RNF144A: variants seen among roughly 807,000 people sequenced by gnomAD.
RNF144A encodes the protein E3 ubiquitin-protein ligase RNF144A.
In RNF144A, 11 loss-of-function variants were observed where a neutral mutation model predicts 38.7. The observed-to-expected ratio is 0.28, with a 90% CI of 0.18 to 0.47. The LOEUF is 0.47. Ranked by LOEUF, RNF144A falls within the 20% of genes least tolerant of loss-of-function variation. The pLI is 0.99. For missense variants in RNF144A, 316 were observed against 377.2 expected (o/e 0.84, Z 1.34); for synonymous variants, 149 against 143.9 (o/e 1.04, Z -0.25).
intron 1 of RNF144A, among the ~76,000 whole-genome samples, chr2:6,923,589 C>T (rs907477331): frequency 1.3e-4 from 20 of 152,358 alleles, no homozygotes; most frequent in Middle Eastern, 3.4e-3. Context: ...TTCCTTCCAG[C>T]TGTAAAATTG....
chr2:7,036,182 C>T (rs184908315), intron 8 of RNF144A, among the ~76,000 whole-genome samples: 2 of 152,282 alleles, frequency 1.3e-5, no homozygotes, highest in East Asian at 1.9e-4. Flanking sequence ...AATCAGCCAT[C>T]GTGTGGAGGA....
intron 6 of RNF144A, among the ~76,000 whole-genome samples, chr2:7,059,657 A>G (rs1377116864): frequency 6.6e-6 from 1 of 152,220 alleles, no homozygotes; most frequent in African/African-American, 2.4e-5. Context: ...AAGCCACACC[A>G]GAAGGTCCAG....
chr2:7,068,398 A>G (rs1366176185), downstream of RNF144A: 3 of 473,696 alleles, frequency 6.3e-6, no homozygotes, highest in East Asian at 7.1e-5. Context: ...GCTTTTGGGC[A>G]TTATAGAAGA....
At chr2:7,013,166 A>T (rs146567026) in intron 3 of RNF144A, among the ~76,000 whole-genome samples, 99 of 152,288 alleles carry the variant, frequency 6.5e-4, no homozygotes, top group African/African-American at 2.2e-3. Context: ...TCAAGCATAT[A>T]CTCTTCTCTG....
At chr2:6,979,554 G>A (rs1268173019) in intron 2 of RNF144A, among the ~76,000 whole-genome samples, 1 of 151,728 alleles carries the variant, frequency 6.6e-6, no homozygotes, top group African/African-American at 2.4e-5. Context: ...TTTCCTGAGG[G>A]TGGCCTCTTT....
At chr2:7,048,862 A>G (rs1364338858), downstream of RNF144A, among the ~76,000 whole-genome samples, 1 of 152,234 alleles carries the variant, frequency 6.6e-6, no homozygotes, top group Non-Finnish European at 1.5e-5. Context: ...ATGAATGCAC[A>G]GACAGCAGCT....
chr2:6,977,403 A>G (rs1668381548), intron 2 of RNF144A, among the ~76,000 whole-genome samples: 1 of 152,250 alleles, frequency 6.6e-6, no homozygotes, highest in Admixed American at 6.5e-5. Flanking sequence ...ACATCGTAAC[A>G]TCAATTCATT....
chr2:7,026,894 G>A (rs1009446091), intron 7 of RNF144A, among the ~76,000 whole-genome samples: 2 of 152,196 alleles, frequency 1.3e-5, no homozygotes, highest in African/African-American at 4.8e-5. Context: ...TCATCCTCAT[G>A]GCCGTGCAGA....
rs1190136596 is a variant in RNF144A, at chr2:6,997,009, C to A, written c.83C>A (p.Pro28Gln). Residue 28 changes from proline to glutamine, a missense_variant, in exon 3 of 9, where the codon CCA becomes CAA. Coordinates refer to ENST00000320892, the MANE Select transcript of RNF144A (RefSeq NM_014746.6). ...TGCAAGCTCTGTCTTGGGGAGTACC[C>A]AGTGGAGCAGATGACAACCATAGCC... is the stretch of plus-strand genomic sequence containing the variant. ...VSCKLCLGEYPVEQMTTIAQC... is the reference protein window; with the variant it reads ...VSCKLCLGEYQVEQMTTIAQC... 1 of 1,614,142 alleles carries A rather than the reference C, an allele frequency of 6.2e-7. No homozygotes were observed. Among genetic ancestry groups the A allele is most frequent in the Non-Finnish European group, 8.5e-7 (1 of 1,179,982 alleles).
In RNF144A at chr2:7,006,306, C is replaced by T. The variant is rs138202055; in HGVS notation, c.136-8148C>T. 2.2e-3 allele frequency among the ~76,000 whole-genome samples: 339 copies of T among 152,076 alleles called. 1 individual carries two copies. The highest frequency in any genetic ancestry group is 7.6e-3 in the African/African-American group (314 of 41,468). The stretch of plus-strand genomic sequence containing the variant: ...ATCAAGAGTATGAAAAACTAAAATG[C>T]GGAGGATGAACAATTCTCTACACAG... On this transcript the variant is annotated intron_variant, in intron 3 of 8. Coordinates refer to ENST00000320892, the MANE Select transcript of RNF144A (RefSeq NM_014746.6).
chr2:7,032,059 TAAACA>T (rs1327418927), intron 8 of RNF144A, among the ~76,000 whole-genome samples: 1 of 152,274 alleles, frequency 6.6e-6, no homozygotes, highest in Admixed American at 6.5e-5. Flanking sequence ...GCTGTATGGA[TAAACA>T]AAACAGAACA....
chr2:7,022,095 G>GC (rs1368504281), intron 6 of RNF144A, among the ~76,000 whole-genome samples: 31 of 152,236 alleles, frequency 2.0e-4, no homozygotes, highest in African/African-American at 7.5e-4. Context: ...GCGTAGCAGA[G>GC]CCCCAGCTCT....
intron 2 of RNF144A, among the ~76,000 whole-genome samples, chr2:6,974,442 A>C (rs963073206): frequency 2.0e-5 from 3 of 152,180 alleles, no homozygotes; most frequent in Non-Finnish European, 2.9e-5. Context: ...GGAGATAATA[A>C]TACTACCTCA....
chr2:7,057,147 CTG>C lies in RNF144A; in HGVS notation c.735-11067_735-11066del, dbSNP rs1338869863. Among the ~76,000 whole-genome samples, 5 of 152,362 alleles carry C rather than the reference CTG, an allele frequency of 3.3e-5. No individual in the cohort carries two copies. The East Asian group carries it at 9.6e-4, about 29-fold the overall frequency. ...ATTAGAGGTTTAAAGCTGTCATGCT[CTG>C]TCTCTGTGCCATACAGACCTTTCTA... On this transcript the variant is annotated intron_variant, in intron 6 of 6. Coordinates refer to the RNF144A transcript ENST00000432850.
chr2:6,960,273 C>T lies in RNF144A; in HGVS notation c.-12+19126C>T, dbSNP rs542894590. 7.2e-5 allele frequency among the ~76,000 whole-genome samples: 11 copies of T among 152,284 alleles called. No homozygotes were observed. The South Asian group carries it at 1.7e-3, about 23-fold the overall frequency. Reference sequence around the variant, plus strand: ...CCTTGTGCCTTTGGCATGGAATCTTCGCAACAGAGTGAAAACCTTTGAGGT... The same window carrying T: ...CCTTGTGCCTTTGGCATGGAATCTTTGCAACAGAGTGAAAACCTTTGAGGT... On this transcript the variant is annotated intron_variant, in intron 2 of 8. Transcript: ENST00000320892.
chr2:7,006,915 C>G (rs769592101), intron 3 of RNF144A, among the ~76,000 whole-genome samples: 47 of 152,122 alleles, frequency 3.1e-4, no homozygotes, highest in Admixed American at 5.9e-4. Context: ...TATTAAGGGT[C>G]CATGAGAAAA....
intron 8 of RNF144A, among the ~76,000 whole-genome samples, chr2:7,036,118 T>C (rs1672662667): frequency 6.6e-6 from 1 of 152,202 alleles, no homozygotes; most frequent in South Asian, 2.1e-4. Flanking sequence ...GTGCATTCGC[T>C]GTGCACACGA....
chr2:7,024,307 A>T, intron 6 of RNF144A, 62 bp from the exon 7 acceptor site: 2 of 1,458,572 alleles, frequency 1.4e-6, no homozygotes, highest in South Asian at 2.8e-5. Flanking sequence ...CAGCATAGCC[A>T]GTGCTCCTGG....
chr2:7,045,026 C>A (rs774433514), downstream of RNF144A, among the ~76,000 whole-genome samples: 1 of 152,210 alleles, frequency 6.6e-6, no homozygotes, highest in Non-Finnish European at 1.5e-5. Context: ...CACAGCCCTT[C>A]GGCCAGGCCG....
Sources: allele counts gnomAD v4.1 joint callset (sites outside exome capture counted in the v4.1 genomes callset), GRCh38; gene constraint gnomAD v4.1.1; transcripts MANE v1.5; gene names NCBI Gene and HGNC (gene_info 2026-07-23, HGNC 2026-07-21).